Variants in EIPR1 observed in about 807,000 individuals in gnomAD.
EIPR1 encodes EARP and GARP complex-interacting protein 1.
In EIPR1, 25 loss-of-function variants were observed where a neutral mutation model predicts 48.1. That is an observed-to-expected ratio of 0.52 (90% CI 0.38 to 0.73). The LOEUF (loss-of-function observed/expected upper bound fraction) is 0.73, where lower values mean the gene tolerates loss of function less well. Ranked by LOEUF, EIPR1 falls within the 30% of genes least tolerant of loss-of-function variation. The pLI, the probability that EIPR1 is intolerant of heterozygous loss-of-function variation, is 0.00. For missense variants in EIPR1, 415 were observed against 506.2 expected, an observed-to-expected ratio of 0.82 and a Z score of 1.73; for synonymous variants, 204 against 201.9, an observed-to-expected ratio of 1.01 and a Z score of -0.09.
intron 3 of EIPR1, among the ~76,000 whole-genome samples, chr2:3,327,235 G>A (rs917617574): frequency 2.0e-5 from 3 of 152,212 alleles, no homozygotes; most frequent in African/African-American, 7.2e-5. Flanking sequence ...CCAGGCTGGA[G>A]TGCAGTGGCA....
chr2:3,210,717 C>T (rs184813760), intron 5 of EIPR1, among the ~76,000 whole-genome samples: 95 of 151,800 alleles, frequency 6.3e-4, no homozygotes, highest in African/African-American at 1.9e-3. Context: ...GCAACCTCCA[C>T]CTCCCAGGTT....
At chr2:3,291,979 C>G (rs1294233848) in intron 3 of EIPR1, among the ~76,000 whole-genome samples, 1 of 152,258 alleles carries the variant, frequency 6.6e-6, no homozygotes, top group Non-Finnish European at 1.5e-5. Flanking sequence ...GCCATCCACT[C>G]CAGGGGCACC....
At chr2:3,209,788 T>C (rs1467926640) in intron 5 of EIPR1, among the ~76,000 whole-genome samples, 1 of 152,184 alleles carries the variant, frequency 6.6e-6, no homozygotes, top group Non-Finnish European at 1.5e-5. Context: ...CCATACTGTA[T>C]GGATCCAACT....
chr2:3,257,193 G>A (rs564989492), intron 4 of EIPR1, 106 bp downstream of exon 4: 95 of 1,254,884 alleles, frequency 7.6e-5, no homozygotes, highest in Admixed American at 3.3e-4. Flanking sequence ...AGAAAGGAGC[G>A]TTTCCGAGGT....
intron 2 of EIPR1, among the ~76,000 whole-genome samples, chr2:3,339,005 T>G (rs1403346132): frequency 6.6e-6 from 1 of 152,242 alleles, no homozygotes; most frequent in Non-Finnish European, 1.5e-5. Context: ...AGAAGTCACC[T>G]AAATGTTTAG....
At chr2:3,282,867 C>T (rs754768783) in intron 3 of EIPR1, 3 of 152,252 alleles carry the variant, frequency 2.0e-5, no homozygotes, top group Admixed American at 6.5e-5. Flanking sequence ...ATGACTACGC[C>T]ACTCTCACCA....
intron 3 of EIPR1, among the ~76,000 whole-genome samples, chr2:3,275,503 A>G (rs1667821028): frequency 6.6e-6 from 1 of 152,230 alleles, no homozygotes; most frequent in Non-Finnish European, 1.5e-5. Context: ...AAAAGATTCA[A>G]ACACAACATA....
chr2:3,242,430 C>G (rs1329689318), intron 4 of EIPR1, among the ~76,000 whole-genome samples: 1 of 139,490 alleles, frequency 7.2e-6, no homozygotes, highest in African/African-American at 2.7e-5. Context: ...CAGCAGCCAT[C>G]GATGGCTGGA....
intron 3 of EIPR1, among the ~76,000 whole-genome samples, chr2:3,310,429 G>A (rs570164699): frequency 2.7e-5 from 4 of 147,428 alleles, no homozygotes; most frequent in Non-Finnish European, 4.5e-5. Flanking sequence ...CGAGGTGGGC[G>A]GATCACAAGG....
chr2:3,197,014 C>A lies in EIPR1; in HGVS notation c.520G>T (p.Ala174Ser), dbSNP rs907768241. ...TTCCCTTCCAGGGACGCTGAGCTGG[C>A]CAGCTGGGAGTGTCACGATGTTTTC... ...LQESSSQAVL[A>S]SSASLEGKGQ... Residue 174 changes from alanine to serine, a missense_variant, in exon 6 of 9, where the codon GCC becomes TCC. Physicochemically the swap from Ala to Ser is moderately conservative, Grantham distance 99. Coordinates refer to ENST00000382125, the MANE Select transcript of EIPR1 (RefSeq NM_003310.5). The A allele has an allele frequency of 6.2e-6, 10 of 1,613,512 alleles. No homozygotes were observed. The highest frequency in any genetic ancestry group is 8.5e-6 in the Non-Finnish European group (10 of 1,179,926).
intron 1 of EIPR1, among the ~76,000 whole-genome samples, chr2:3,360,328 A>G (rs1396874128): frequency 6.6e-6 from 1 of 151,770 alleles, no homozygotes; most frequent in Non-Finnish European, 1.5e-5. Context: ...TGCTTGAACC[A>G]GGGAGGCAGA....
intron 3 of EIPR1, among the ~76,000 whole-genome samples, chr2:3,269,978 G>A (rs980314383): frequency 5.9e-5 from 9 of 152,176 alleles, no homozygotes; most frequent in Non-Finnish European, 1.0e-4. Flanking sequence ...CTGCAGCCAC[G>A]GTAGGTGCTC....
At chr2:3,346,160 C>T (rs1041763868) in intron 2 of EIPR1, among the ~76,000 whole-genome samples, 1 of 152,250 alleles carries the variant, frequency 6.6e-6, no homozygotes, top group Non-Finnish European at 1.5e-5. Context: ...GGAGCTGGCC[C>T]AAGGGCGGCA....
intron 3 of EIPR1, among the ~76,000 whole-genome samples, chr2:3,265,910 A>G (rs1447530222): frequency 6.6e-6 from 1 of 152,258 alleles, no homozygotes; most frequent in East Asian, 1.9e-4. Flanking sequence ...CTCCCATAAC[A>G]GCCCCCTGCT....
chr2:3,244,444 T>C (rs1250417451), intron 4 of EIPR1, among the ~76,000 whole-genome samples: 3 of 152,242 alleles, frequency 2.0e-5, no homozygotes, highest in Non-Finnish European at 2.9e-5. Context: ...TATTCTGCTA[T>C]GTTCTTGTTG....
intron 3 of EIPR1, among the ~76,000 whole-genome samples, chr2:3,260,049 G>T (rs1333402873): frequency 1.3e-5 from 2 of 152,122 alleles, no homozygotes; most frequent in Non-Finnish European, 2.9e-5. Context: ...AAAAAAGCTG[G>T]ATCATACAGA....
chr2:3,330,347 T>C, intron 3 of EIPR1, among the ~76,000 whole-genome samples: 1 of 152,170 alleles, frequency 6.6e-6, no homozygotes, highest in Non-Finnish European at 1.5e-5. Context: ...CAGATCAAGT[T>C]AGGACACGGT....
chr2:3,257,217 C>A, intron 4 of EIPR1, 82 bp downstream of exon 4: 1 of 1,454,068 alleles, frequency 6.9e-7, no homozygotes, highest in Non-Finnish European at 9.2e-7. Context: ...GACGGTGGCT[C>A]CTGCAAAGGA....
intron 3 of EIPR1, among the ~76,000 whole-genome samples, chr2:3,317,076 C>A (rs1032150080): frequency 3.9e-5 from 6 of 151,908 alleles, no homozygotes; most frequent in African/African-American, 1.5e-4. Flanking sequence ...CCCAGGAGCG[C>A]ATGACGCACT....
Sources: allele counts gnomAD v4.1 joint callset (sites outside exome capture counted in the v4.1 genomes callset), GRCh38; gene constraint gnomAD v4.1.1; transcripts MANE v1.5; gene names NCBI Gene and HGNC (gene_info 2026-07-23, HGNC 2026-07-21).